TMTC4: variants seen among roughly 807,000 people sequenced by gnomAD.
TMTC4 encodes transmembrane O-mannosyltransferase targeting cadherins 4, also known as protein O-mannosyl-transferase TMTC4.
In TMTC4, 65 loss-of-function variants were observed where a neutral mutation model predicts 86.0. That is an observed-to-expected ratio of 0.76 (90% CI 0.62 to 0.93). The LOEUF (loss-of-function observed/expected upper bound fraction) is 0.93. Ranked by LOEUF, TMTC4 falls within the 40% of genes least tolerant of loss-of-function variation. TMTC4 has a pLI of 0.00. For missense variants in TMTC4, 866 were observed against 948.1 expected (o/e 0.91, Z 1.14); for synonymous variants, 379 against 382.5 (o/e 0.99, Z 0.11).
intron 14 of TMTC4, 22 bp downstream of exon 14, chr13:100,625,763 T>A: frequency 1.2e-6 from 2 of 1,610,894 alleles, no homozygotes; most frequent in East Asian, 4.5e-5. Context: ...GTCACTAGCA[T>A]AATTATAAAA....
rs1876284581 is a variant in TMTC4 at position 100,604,514 on chromosome 13, T to A, written c.*480A>T. 1 of 152,016 alleles carries A rather than the reference T, an allele frequency of 6.6e-6. No individual in the cohort carries two copies. The highest frequency in any genetic ancestry group is 2.1e-4 in the South Asian group (1 of 4,820). The allele number at this position is 152,016 out of a possible 1,614,324, so 9.4% of individuals were successfully genotyped here. On this transcript the variant is annotated 3_prime_UTR_variant, in exon 19 of 19. Coordinates refer to ENST00000342624, the MANE Select transcript of TMTC4 (RefSeq NM_032813.5). The stretch of plus-strand genomic sequence containing the variant: ...TTACAAAGTTCACAGTATGTTGTTT[T>A]AAAAAAAAGAGATAAAAAAACTTAA...
In TMTC4 at chr13:100,670,433, C is replaced by A; in HGVS notation, c.-71G>T. The A allele has an allele frequency of 6.5e-7, 1 of 1,539,524 alleles. No homozygotes were observed. Among genetic ancestry groups the A allele is most frequent in the South Asian group, 1.2e-5 (1 of 83,160 alleles). ...ATTTACAATCCAGAGATGAAACAGG[C>A]CGCAACTCTTCCACTGCTTGTCTCT... On this transcript the variant is annotated 5_prime_UTR_variant, in exon 2 of 19. Coordinates refer to ENST00000342624, the MANE Select transcript of TMTC4 (RefSeq NM_032813.5).
rs537384359 is a variant in TMTC4 at position 100,631,903 on chromosome 13, A to G, written c.1506+2902T>C. On this transcript the variant is annotated intron_variant, in intron 12 of 18. Coordinates refer to ENST00000342624, the MANE Select transcript of TMTC4 (RefSeq NM_032813.5). ...TAAAAAGAAACTCCCAAAAATCTCA[A>G]TCTTGCTTATATTGAATAGAATCAT... Among the ~76,000 whole-genome samples, 5 of 152,260 alleles carry G rather than the reference A, an allele frequency of 3.3e-5. No homozygotes were observed. The East Asian group carries it at 7.7e-4, about 24-fold the overall frequency.
intron 3 of TMTC4, among the ~76,000 whole-genome samples, chr13:100,665,017 A>G (rs2139043689): frequency 6.6e-6 from 1 of 152,308 alleles, no homozygotes; most frequent in Non-Finnish European, 1.5e-5. Flanking sequence ...ATGGATAAAC[A>G]TATTTTTTTA....
Position 100,635,189 on chromosome 13 carries a change from A to G in TMTC4, c.1209T>C (p.Leu403=), listed in dbSNP as rs762410796. ...CSEDGHKRRI[L]TLGLGFLVIP... ...TAACGAGAAATCCCAGGCCCAGAGT[A>G]AGGATCCTGGATGATGAAAAGTATT... Residue 403 remains leucine (L), a synonymous_variant, in exon 11 of 19, where the codon CTT becomes CTC. Transcript: ENST00000342624. 1.2e-6 allele frequency: 2 copies of G among 1,601,064 alleles called. No individual in the cohort carries two copies. Among genetic ancestry groups the G allele is most frequent in the Non-Finnish European group, 1.7e-6 (2 of 1,174,562 alleles).
chr13:100,636,612 T>A lies in TMTC4; in HGVS notation c.1122A>T (p.Val374=). 1 of 1,614,194 alleles carries A rather than the reference T, an allele frequency of 6.2e-7. No homozygotes were observed. The highest frequency in any genetic ancestry group is 8.5e-7 in the Non-Finnish European group (1 of 1,180,018). ...AGAACCAGAGTGCTGCAAGTGCAAT[T>A]ACCCTCCAGTCGCTGATGGACTTAA... The part of the protein sequence containing the change: ...PLIKSISDWR[V]IALAALWFCL... Residue 374 remains valine (V), a synonymous_variant, in exon 10 of 19, where the codon GTA becomes GTT. Transcript: ENST00000342624.
rs35563246 is a variant in TMTC4 at position 100,656,542 on chromosome 13, CTTTTTT to C, written c.553-80_553-75del. On this transcript the variant is annotated intron_variant, in intron 5 of 18. Coordinates refer to ENST00000342624, the MANE Select transcript of TMTC4 (RefSeq NM_032813.5). Reference sequence around the variant, plus strand: ...GAAATCCTAAACTTAGGAGACATAACTTTTTTTTTTTTTTTTTTGCGACAGGGTCTC... The same window carrying C: ...GAAATCCTAAACTTAGGAGACATAACTTTTTTTTTTTTGCGACAGGGTCTC... 5.6e-4 allele frequency: 216 copies of C among 385,786 alleles called. 4 individuals are homozygous for C. The highest frequency in any genetic ancestry group is 7.3e-4 in the Non-Finnish European group (175 of 238,888). The allele number at this position is 385,786 out of a possible 1,614,324, so 23.9% of individuals were successfully genotyped here.
chr13:100,606,577 C>T, intron 17 of TMTC4, 150 bp from the exon 18 acceptor site: 2 of 642,882 alleles, frequency 3.1e-6, no homozygotes, highest in Non-Finnish European at 5.4e-6. Flanking sequence ...CCCAGCGGGG[C>T]CACGCTCTGC....
intron 15 of TMTC4, among the ~76,000 whole-genome samples, chr13:100,621,604 T>A (rs768012757): frequency 3.3e-5 from 5 of 152,004 alleles, no homozygotes; most frequent in Non-Finnish European, 7.4e-5. Context: ...TTTTTGCATT[T>A]TTAGTAGAGA....
chr13:100,665,696 C>A (rs562080325), intron 3 of TMTC4, among the ~76,000 whole-genome samples: 1 of 152,344 alleles, frequency 6.6e-6, no homozygotes, highest in East Asian at 1.9e-4. Context: ...TGATGGGTGG[C>A]CCCAAAGAGC....
At chr13:100,633,957 T>C (rs568752561) in intron 12 of TMTC4, among the ~76,000 whole-genome samples, 52 of 152,224 alleles carry the variant, frequency 3.4e-4, no homozygotes, top group Middle Eastern at 6.8e-3. Context: ...TTGGCCAACA[T>C]GGTGAAACTC....
intron 6 of TMTC4, among the ~76,000 whole-genome samples, chr13:100,653,267 C>T (rs556728912): frequency 6.6e-5 from 10 of 152,260 alleles, no homozygotes; most frequent in Admixed American, 2.0e-4. Context: ...ACAGAAAAGT[C>T]GCTAAGAACA....
chr13:100,621,487 G>A (rs1879460428), intron 15 of TMTC4, among the ~76,000 whole-genome samples: 2 of 152,098 alleles, frequency 1.3e-5, no homozygotes, highest in South Asian at 2.1e-4. Context: ...GTGCAGTGGC[G>A]CCATCTCGGT....
intron 15 of TMTC4, among the ~76,000 whole-genome samples, chr13:100,618,844 T>G (rs1323151404): frequency 6.6e-6 from 1 of 152,204 alleles, no homozygotes; most frequent in Non-Finnish European, 1.5e-5. Flanking sequence ...GGCAGAAGAA[T>G]TTTTCTTAGT....
intron 6 of TMTC4, among the ~76,000 whole-genome samples, chr13:100,643,448 G>A (rs1883303615): frequency 6.6e-6 from 1 of 152,160 alleles, no homozygotes; most frequent in Non-Finnish European, 1.5e-5. Context: ...ACCGACCTCA[G>A]GATATATTCG....
chr13:100,674,575 G>A (rs1442001109), intron 1 of TMTC4, 169 bp downstream of exon 1: 18 of 981,910 alleles, frequency 1.8e-5, no homozygotes, highest in South Asian at 4.7e-5. Context: ...ACCCCGGCCC[G>A]GGCCGCAGCT....
rs183880992 is a variant in TMTC4 at position 100,620,828 on chromosome 13, A to C, written c.1836+4707T>G. Among the ~76,000 whole-genome samples, 1,406 of 152,224 alleles carry C rather than the reference A, an allele frequency of 9.2e-3. 49 individuals carry two copies. Among genetic ancestry groups the C allele is most frequent in the Admixed American group, 0.055 (840 of 15,282 alleles). Reference sequence around the variant, plus strand: ...TCCTGTTACTAGAGAGTGATTTCTTAAAACAAACAAACAAACAAACAAACA... The same window carrying C: ...TCCTGTTACTAGAGAGTGATTTCTTCAAACAAACAAACAAACAAACAAACA... On this transcript the variant is annotated intron_variant, in intron 15 of 18. Coordinates refer to ENST00000342624, the MANE Select transcript of TMTC4 (RefSeq NM_032813.5).
chr13:100,656,912 A>G (rs1885188409), intron 5 of TMTC4, among the ~76,000 whole-genome samples: 1 of 152,162 alleles, frequency 6.6e-6, no homozygotes, highest in South Asian at 2.1e-4. Context: ...AAATAAATAC[A>G]TGATGTAGCT....
intron 4 of TMTC4, 62 bp from the exon 5 acceptor site, chr13:100,663,242 G>T: frequency 1.4e-6 from 2 of 1,442,792 alleles, no homozygotes; most frequent in African/African-American, 1.4e-5. Flanking sequence ...AATGGCAAAG[G>T]TCTGGAGGAG....
Sources: allele counts gnomAD v4.1 joint callset (sites outside exome capture counted in the v4.1 genomes callset), GRCh38; gene constraint gnomAD v4.1.1; transcripts MANE v1.5; gene names NCBI Gene and HGNC (gene_info 2026-07-23, HGNC 2026-07-21).